CACNG2: variants seen among roughly 807,000 people sequenced by gnomAD.
The protein encoded by CACNG2 is calcium voltage-gated channel auxiliary subunit gamma 2.
A neutral mutation model predicts 25.9 loss-of-function variants in CACNG2; 3 were observed. The ratio of observed to expected loss-of-function variants is 0.12; its 90% CI spans 0.05 to 0.30. The LOEUF is 0.30. Among genes scored for constraint, CACNG2 ranks in the 10% least tolerant of loss-of-function variants. CACNG2 has a pLI of 1.00. For missense variants in CACNG2, 341 were observed against 432.5 expected (o/e 0.79, Z 1.88); for synonymous variants, 167 against 173.3 (o/e 0.96, Z 0.29).
At chr22:36,646,166 T>C (rs1936520930) in intron 1 of CACNG2, among the ~76,000 whole-genome samples, 1 of 152,222 alleles carries the variant, frequency 6.6e-6, no homozygotes, top group Non-Finnish European at 1.5e-5. Flanking sequence ...TATCTTTCCA[T>C]GGTTATATAT....
At chr22:36,670,812 C>A (rs1936938909) in intron 1 of CACNG2, among the ~76,000 whole-genome samples, 1 of 151,910 alleles carries the variant, frequency 6.6e-6, no homozygotes, top group Non-Finnish European at 1.5e-5. Flanking sequence ...TTTAAATTAG[C>A]CTCATCATAC....
At chr22:36,668,253 G>A (rs1280307152) in intron 1 of CACNG2, among the ~76,000 whole-genome samples, 2 of 152,218 alleles carry the variant, frequency 1.3e-5, no homozygotes, top group Non-Finnish European at 2.9e-5. Context: ...AGCTTCAGGC[G>A]ATCCAGGTTC....
chr22:36,561,275 G>GT lies in CACNG2; in HGVS notation c.*3075dup, dbSNP rs1935023915. 6.6e-6 allele frequency: 1 copy of GT among 152,320 alleles called. No homozygotes were observed. Among genetic ancestry groups the GT allele is most frequent in the Admixed American group, 6.5e-5 (1 of 15,286 alleles). 9.4% of individuals were successfully genotyped at this position (152,320 alleles called of 1,614,324 possible). On this transcript the variant is annotated 3_prime_UTR_variant, in exon 4 of 4. Transcript: ENST00000300105. Reference sequence around the variant, plus strand: ...TTCAGACAGTGCTCGCTTGGGTGCGGTTTTCTTGGGGACCCTCCCTTCTCC... The same window carrying GT: ...TTCAGACAGTGCTCGCTTGGGTGCGGTTTTTCTTGGGGACCCTCCCTTCTCC...
At chr22:36,571,107 T>C (rs1935217291) in intron 2 of CACNG2, among the ~76,000 whole-genome samples, 1 of 152,192 alleles carries the variant, frequency 6.6e-6, no homozygotes. Context: ...AGGAATGTTG[T>C]AAGGCCTTGC....
intron 1 of CACNG2, among the ~76,000 whole-genome samples, chr22:36,668,011 A>G (rs1757212191): frequency 6.6e-6 from 1 of 152,160 alleles, no homozygotes; most frequent in African/African-American, 2.4e-5. Flanking sequence ...TAAGCATTTT[A>G]CCTGCATGAA....
intron 1 of CACNG2, among the ~76,000 whole-genome samples, chr22:36,682,019 G>A (rs376762092): frequency 1.9e-4 from 29 of 152,326 alleles, no homozygotes; most frequent in Middle Eastern, 3.4e-3. Context: ...GTGCTCAGCC[G>A]TCAGGAGACT....
At chr22:36,567,690 C>A (rs571257718) in intron 2 of CACNG2, among the ~76,000 whole-genome samples, 2 of 152,064 alleles carry the variant, frequency 1.3e-5, no homozygotes, top group African/African-American at 4.8e-5. Flanking sequence ...TGTTGGGGAG[C>A]CCTTCACAAA....
intron 1 of CACNG2, among the ~76,000 whole-genome samples, chr22:36,600,383 G>A (rs1467382590): frequency 6.6e-6 from 1 of 151,604 alleles, no homozygotes; most frequent in Non-Finnish European, 1.5e-5. Context: ...CTGAGTAGCT[G>A]GGACTACAGG....
At position 36,564,966 on chromosome 22, in the gene CACNG2, T is replaced by C; in HGVS notation, c.437-80A>G. 7.5e-7 allele frequency: 1 copy of C among 1,338,914 alleles called. No individual in the cohort carries two copies. The highest frequency in any genetic ancestry group is 1.1e-6 in the Non-Finnish European group (1 of 944,988). The allele number at this position is 1,338,914 out of a possible 1,614,324, so 82.9% of individuals were successfully genotyped here. On this transcript the variant is annotated intron_variant, in intron 3 of 3. Transcript: ENST00000300105. The surrounding 1 kb of genome is among the most constrained non-coding windows in gnomAD (Gnocchi z 6.7). The stretch of plus-strand genomic sequence containing the variant: ...CAGGAAGTCGGCCACAGGGCAGCCG[T>C]AAAGGACGGGGACAGCTGTGTGGGC...
At chr22:36,680,003 T>C (rs1937076635) in intron 1 of CACNG2, among the ~76,000 whole-genome samples, 1 of 151,136 alleles carries the variant, frequency 6.6e-6, no homozygotes. Context: ...ACCTTCATGA[T>C]CACCACCACC....
intron 1 of CACNG2, among the ~76,000 whole-genome samples, chr22:36,646,072 C>A (rs1936519102): frequency 6.6e-6 from 1 of 152,096 alleles, no homozygotes; most frequent in African/African-American, 2.4e-5. Context: ...CTCACCCACC[C>A]CAAAAGCTAT....
chr22:36,607,201 C>T (rs1464180651), intron 1 of CACNG2, among the ~76,000 whole-genome samples: 1 of 152,058 alleles, frequency 6.6e-6, no homozygotes, highest in Admixed American at 6.5e-5. Flanking sequence ...TCCTACTTGG[C>T]AAAATATACC....
At chr22:36,583,900 C>T (rs942881316) in intron 2 of CACNG2, among the ~76,000 whole-genome samples, 7 of 152,218 alleles carry the variant, frequency 4.6e-5, no homozygotes, top group Non-Finnish European at 8.8e-5. Flanking sequence ...GGACCCCACT[C>T]CACCCCTGCA....
At chr22:36,612,239 G>A (rs976877968) in intron 1 of CACNG2, among the ~76,000 whole-genome samples, 1 of 152,194 alleles carries the variant, frequency 6.6e-6, no homozygotes. Flanking sequence ...TTCTTTATTG[G>A]AGAATACAAT....
intron 1 of CACNG2, among the ~76,000 whole-genome samples, chr22:36,626,434 C>T (rs1288575442): frequency 3.3e-5 from 5 of 152,052 alleles, no homozygotes; most frequent in Non-Finnish European, 7.4e-5. Flanking sequence ...TCCATACCAC[C>T]ATTTGTTATT....
At chr22:36,615,679 C>T (rs1458231039) in intron 1 of CACNG2, among the ~76,000 whole-genome samples, 1 of 152,140 alleles carries the variant, frequency 6.6e-6, no homozygotes, top group Non-Finnish European at 1.5e-5. Context: ...AATGGACGAT[C>T]CACGAGGGCG....
chr22:36,670,408 T>C (rs1936931720), intron 1 of CACNG2, among the ~76,000 whole-genome samples: 1 of 152,196 alleles, frequency 6.6e-6, no homozygotes, highest in Non-Finnish European at 1.5e-5. Flanking sequence ...TTGGCTTGTT[T>C]GGAAGGGTCT....
At chr22:36,667,722 G>A (rs771862160) in intron 1 of CACNG2, among the ~76,000 whole-genome samples, 151 of 152,230 alleles carry the variant, frequency 9.9e-4, no homozygotes, top group Non-Finnish European at 1.9e-3. Flanking sequence ...CCTTCATGTC[G>A]CCTCTGAACA....
chr22:36,607,844 T>A (rs11705231), intron 1 of CACNG2, among the ~76,000 whole-genome samples: 2 of 152,206 alleles, frequency 1.3e-5, no homozygotes, highest in African/African-American at 2.4e-5. Flanking sequence ...TCTGCCATCA[T>A]GCTCTCCCAG....
Sources: allele counts gnomAD v4.1 joint callset (sites outside exome capture counted in the v4.1 genomes callset), GRCh38; gene constraint gnomAD v4.1.1; non-coding constraint Gnocchi (gnomAD v3.1); transcripts MANE v1.5; gene names NCBI Gene and HGNC (gene_info 2026-07-23, HGNC 2026-07-21).